Variants in EFCAB7 observed in about 807,000 individuals in gnomAD.
EFCAB7 encodes EF-hand calcium-binding domain-containing protein 7.
EFCAB7 carries 66 observed loss-of-function variants against 77.1 expected under a neutral mutation model. That is an observed-to-expected ratio of 0.86 (90% confidence interval 0.70 to 1.05). EFCAB7 has a LOEUF of 1.05. Ranked by LOEUF, EFCAB7 falls within the 50% of genes least tolerant of loss-of-function variation. The pLI, the probability that EFCAB7 is intolerant of heterozygous loss-of-function variation, is 0.00. For missense variants in EFCAB7, 638 were observed against 730.5 expected (o/e 0.87, Z 1.46); for synonymous variants, 225 against 243.3 (o/e 0.92, Z 0.70).
In EFCAB7 at chr1:63,556,668, CTTTATAG is replaced by C. The variant is rs148058961; in HGVS notation, c.1215-441_1215-435del. On this transcript the variant is annotated intron_variant, in intron 9 of 13. Coordinates refer to ENST00000371088, the MANE Select transcript of EFCAB7 (RefSeq NM_032437.4). ...CCAAAACTGTATTTGGTTACATTAA[CTTTATAG>C]TTTACAGAAATTGTGTAACGCTATA... Among the ~76,000 whole-genome samples the C allele has an allele frequency of 1.6e-3, 248 of 152,214 alleles. 2 individuals are homozygous for C. Among genetic ancestry groups the C allele is most frequent in the African/African-American group, 5.7e-3 (237 of 41,532 alleles).
rs139461572 is a variant in EFCAB7 at position 63,559,157 on chromosome 1, C to T, written c.1348+1910C>T. ...CTTGTACTAAAAATACAAAAATTAT[C>T]CAAGTGTGGTGGCAGGTACCTATAA... On this transcript the variant is annotated intron_variant, in intron 10 of 13. Coordinates refer to ENST00000371088, the MANE Select transcript of EFCAB7 (RefSeq NM_032437.4). Among the ~76,000 whole-genome samples, 1,180 of 151,776 alleles carry T rather than the reference C, an allele frequency of 7.8e-3. 12 individuals are homozygous for T. Among genetic ancestry groups the T allele is most frequent in the African/African-American group, 0.026 (1,068 of 41,406 alleles).
downstream of EFCAB7, among the ~76,000 whole-genome samples, chr1:63,573,464 C>T (rs574725234): frequency 1.3e-5 from 2 of 152,154 alleles, no homozygotes; most frequent in East Asian, 3.9e-4. Flanking sequence ...AGAGAGTGCC[C>T]AAGGAGGTTC....
downstream of EFCAB7, among the ~76,000 whole-genome samples, chr1:63,573,643 T>C (rs1025390319): frequency 2.6e-5 from 4 of 151,392 alleles, no homozygotes; most frequent in Non-Finnish European, 4.4e-5. Flanking sequence ...TGAATAGGAG[T>C]ATGACTAGAC....
In EFCAB7 at chr1:63,557,309, C is replaced by G. The variant is rs541844666; in HGVS notation, c.1348+62C>G. Reference sequence around the variant, plus strand: ...ATATATATATAGCACCTTTTCATCTCTAAGAAATGAGAAGTCAAACTTCTG... The same window carrying G: ...ATATATATATAGCACCTTTTCATCTGTAAGAAATGAGAAGTCAAACTTCTG... On this transcript the variant is annotated intron_variant, in intron 10 of 13. Transcript: ENST00000371088. 68 of 1,447,984 alleles carry G rather than the reference C, an allele frequency of 4.7e-5. 1 individual carries two copies. The East Asian group carries it at 1.4e-3, about 30-fold the overall frequency. 89.7% of individuals were successfully genotyped at this position (1,447,984 alleles called of 1,614,324 possible).
In EFCAB7 at chr1:63,523,551, C is replaced by G. The variant is rs1485343214; in HGVS notation, c.-85C>G. On this transcript the variant is annotated 5_prime_UTR_variant, in exon 1 of 14. Transcript: ENST00000371088. Reference sequence around the variant, plus strand: ...GTTGCCATGGTGATTAGAGAAAGGCCGAGATCTGTCCAGCTGCGGTGAGAG... The same window carrying G: ...GTTGCCATGGTGATTAGAGAAAGGCGGAGATCTGTCCAGCTGCGGTGAGAG... 2 of 252,882 alleles carry G rather than the reference C, an allele frequency of 7.9e-6. No homozygotes were observed. The highest frequency in any genetic ancestry group is 1.9e-4 in the East Asian group (2 of 10,384). The allele number at this position is 252,882 out of a possible 1,614,324, so 15.7% of individuals were successfully genotyped here. A position where few individuals can be genotyped will look rare whatever the true frequency, so the allele number is the denominator to read the frequency against.
intron 1 of EFCAB7, among the ~76,000 whole-genome samples, chr1:63,524,412 G>C (rs900133211): frequency 6.6e-6 from 1 of 152,166 alleles, no homozygotes; most frequent in African/African-American, 2.4e-5. Flanking sequence ...GGCGGCCTGC[G>C]TATTATAAAT....
At chr1:63,546,185 A>G (rs745712953) in intron 7 of EFCAB7, 128 bp downstream of exon 7, 3 of 1,028,012 alleles carry the variant, frequency 2.9e-6, no homozygotes, top group Non-Finnish European at 4.2e-6. Flanking sequence ...TTATGGTTAC[A>G]TTTCAAGAAA....
chr1:63,557,393 A>G (rs1647045308), intron 10 of EFCAB7, 146 bp downstream of exon 10: 3 of 709,616 alleles, frequency 4.2e-6, no homozygotes, highest in Non-Finnish European at 6.2e-6. Flanking sequence ...TGTAGATCAT[A>G]AAAACTTAAA....
chr1:63,560,982 T>G (rs926136114), intron 10 of EFCAB7, among the ~76,000 whole-genome samples: 2 of 152,242 alleles, frequency 1.3e-5, no homozygotes, highest in Non-Finnish European at 2.9e-5. Context: ...AAATCTTCCC[T>G]GTTGTAGGAT....
intron 7 of EFCAB7, 107 bp downstream of exon 7, chr1:63,546,164 T>G: frequency 1.6e-6 from 2 of 1,212,274 alleles, no homozygotes; most frequent in East Asian, 4.9e-5. Flanking sequence ...ATAATCTGCC[T>G]AAGTAAGAAT....
In EFCAB7 at chr1:63,533,554, A is replaced by G. The variant is rs755134606; in HGVS notation, c.587A>G (p.His196Arg). 3.1e-6 allele frequency: 5 copies of G among 1,613,336 alleles called. No homozygotes were observed. The African/African-American group carries it at 6.7e-5, about 22-fold the overall frequency. ...SKLMRHQFGN[H>R]IEGSPERDPS... ...TTGATGCGTCACCAGTTTGGAAACCACATCGAAGGGTCCCCTGAAAGGGAC... is the reference window on the plus strand; with the variant it reads ...TTGATGCGTCACCAGTTTGGAAACCGCATCGAAGGGTCCCCTGAAAGGGAC... The change falls in exon 5 of 14, where the codon CAC becomes CGC. Residue 196 changes from histidine (H) to arginine (R), a missense_variant. His to Arg is a conservative substitution (Grantham distance 29). Coordinates refer to ENST00000371088, the MANE Select transcript of EFCAB7 (RefSeq NM_032437.4).
the EFCAB7 span, among the ~76,000 whole-genome samples, chr1:63,583,385 C>G: frequency 6.6e-6 from 1 of 152,164 alleles, no homozygotes; most frequent in Non-Finnish European, 1.5e-5. Context: ...AATGAGAACC[C>G]TTTTTCTAGA....
chr1:63,525,837 T>G, intron 2 of EFCAB7, 78 bp downstream of exon 2: 1 of 1,003,994 alleles, frequency 1.0e-6, no homozygotes, highest in Non-Finnish European at 1.4e-6. Flanking sequence ...GAAATTAGAA[T>G]TACCTTGTTG....
At chr1:63,570,855 A>C (rs2100931082) in intron 12 of EFCAB7, 166 bp from the exon 13 acceptor site, 1 of 446,628 alleles carries the variant, frequency 2.2e-6, no homozygotes, top group East Asian at 3.6e-5. Context: ...ATTGGAAAGA[A>C]AATCAATGAG....
intron 12 of EFCAB7, 64 bp from the exon 13 acceptor site, chr1:63,570,957 G>A (rs1346317647): frequency 2.5e-6 from 3 of 1,193,584 alleles, no homozygotes; most frequent in African/African-American, 1.5e-5. Flanking sequence ...TTTATTCTGA[G>A]GCTTATATTT....
the EFCAB7 span, among the ~76,000 whole-genome samples, chr1:63,581,485 T>C: frequency 6.6e-6 from 1 of 152,060 alleles, no homozygotes; most frequent in African/African-American, 2.4e-5. Flanking sequence ...TTCTTTAGAC[T>C]GTTAATATGG....
intron 10 of EFCAB7, among the ~76,000 whole-genome samples, chr1:63,560,129 T>G (rs1172048845): frequency 6.6e-6 from 1 of 152,004 alleles, no homozygotes; most frequent in Non-Finnish European, 1.5e-5. Context: ...ATTTTTTGTA[T>G]TTTTAGTAGA....
chr1:63,545,109 G>A (rs1041631603), intron 6 of EFCAB7, among the ~76,000 whole-genome samples: 2 of 150,022 alleles, frequency 1.3e-5, no homozygotes, highest in Non-Finnish European at 3.0e-5. Context: ...AGTAGAGACA[G>A]GGTTTCACCA....
chr1:63,582,317 A>C, the EFCAB7 span, among the ~76,000 whole-genome samples: 1 of 152,214 alleles, frequency 6.6e-6, no homozygotes, highest in Non-Finnish European at 1.5e-5. Context: ...GAAAAAGTTG[A>C]ATTGCTTGAT....
Sources: gnomAD v4.1 joint callset for allele counts (sites outside exome capture counted in the v4.1 genomes callset) on GRCh38, gnomAD v4.1.1 for gene constraint, MANE v1.5 for transcripts, NCBI Gene and HGNC (gene_info 2026-07-23, HGNC 2026-07-21) for gene names.